CFAP299: variants seen among roughly 807,000 people sequenced by gnomAD.
CFAP299 encodes the protein cilia and flagella associated protein 299.
CFAP299 carries 21 observed loss-of-function variants against 27.0 expected under a neutral mutation model. That is an observed-to-expected ratio of 0.78 (90% CI 0.55 to 1.12). The LOEUF (loss-of-function observed/expected upper bound fraction) is 1.12. Among genes scored for constraint, CFAP299 ranks in the 50% most tolerant of loss-of-function variants. CFAP299 has a pLI of 0.00. For missense variants in CFAP299, 310 were observed against 276.6 expected (o/e 1.12, Z -0.86); for synonymous variants, 104 against 98.1 (o/e 1.06, Z -0.36).
At chr4:80,711,334 G>C (rs1479613304) in intron 3 of CFAP299, among the ~76,000 whole-genome samples, 1 of 152,172 alleles carries the variant, frequency 6.6e-6, no homozygotes. Context: ...CACAGAGCTG[G>C]AGCAGACAGC....
chr4:80,956,428 T>C (rs2109864464), intron 5 of CFAP299, among the ~76,000 whole-genome samples: 1 of 152,194 alleles, frequency 6.6e-6, no homozygotes, highest in South Asian at 2.1e-4. Context: ...CATGCTACTA[T>C]ATAATATTCT....
chr4:80,388,821 TC>T (rs1225946993), intron 2 of CFAP299: 1 of 395,796 alleles, frequency 2.5e-6, no homozygotes, highest in Non-Finnish European at 4.5e-6. Context: ...CTATTTCTTC[TC>T]TTCCAATCAT....
chr4:80,799,878 T>TA (rs1320324779), intron 3 of CFAP299, among the ~76,000 whole-genome samples: 1 of 38,976 alleles, frequency 2.6e-5, no homozygotes, highest in African/African-American at 1.1e-4. Context: ...ATATATTATA[T>TA]TATATAATAT....
chr4:80,845,639 G>A (rs971929854), intron 3 of CFAP299, among the ~76,000 whole-genome samples: 3 of 152,030 alleles, frequency 2.0e-5, no homozygotes, highest in Non-Finnish European at 4.4e-5. Context: ...TATTATTCAA[G>A]TTTCAAGTAA....
intron 3 of CFAP299, among the ~76,000 whole-genome samples, chr4:80,676,391 T>C (rs562124997): frequency 2.0e-5 from 3 of 152,314 alleles, no homozygotes; most frequent in South Asian, 4.1e-4. Context: ...TGTATCTATA[T>C]TTATCAATGA....
intron 3 of CFAP299, among the ~76,000 whole-genome samples, chr4:80,856,050 A>G (rs1020114779): frequency 4.6e-5 from 7 of 151,066 alleles, no homozygotes; most frequent in African/African-American, 1.7e-4. Flanking sequence ...CTATTTTTCC[A>G]CATCCTCTCC....
In CFAP299 at chr4:80,801,896, T is replaced by G. The variant is rs1322693986; in HGVS notation, c.334-68097T>G. ...CCTGTAAAGTTCAGTAGAAATGCAA[T>G]CCTTAAGTTTTTTATTTATTTTCAA... On this transcript the variant is annotated intron_variant, in intron 3 of 5. Coordinates refer to ENST00000358105, the MANE Select transcript of CFAP299 (RefSeq NM_152770.3). 2.0e-5 allele frequency among the ~76,000 whole-genome samples: 3 copies of G among 152,202 alleles called. No individual in the cohort carries two copies. In the East Asian group the frequency reaches 5.8e-4, roughly 29 times the overall value.
intron 3 of CFAP299, among the ~76,000 whole-genome samples, chr4:80,815,557 A>G (rs1263826384): frequency 6.6e-6 from 1 of 152,054 alleles, no homozygotes; most frequent in East Asian, 1.9e-4. Context: ...ATAATGAGGT[A>G]TTAGTTTAAA....
chr4:80,757,488 A>G (rs1393764728), intron 3 of CFAP299, among the ~76,000 whole-genome samples: 1 of 152,148 alleles, frequency 6.6e-6, no homozygotes, highest in African/African-American at 2.4e-5. Flanking sequence ...ACATTTTCTG[A>G]CAGCTAACAT....
In CFAP299 at chr4:80,356,246, A is replaced by G. The variant is rs190864740; in HGVS notation, c.112-6508A>G. ...ATGCTGTTTCGGTTACTGTAGCCTT[A>G]TAGTTTGAAGTCAGGTACCGTGATG... On this transcript the variant is annotated intron_variant, in intron 1 of 5. Transcript: ENST00000358105. Among the ~76,000 whole-genome samples the G allele has an allele frequency of 6.4e-3, 968 of 151,810 alleles. 2 individuals carry two copies. Among genetic ancestry groups the G allele is most frequent in the Middle Eastern group, 0.024 (7 of 294 alleles).
intron 2 of CFAP299, among the ~76,000 whole-genome samples, chr4:80,552,363 A>G (rs1287865729): frequency 1.3e-5 from 2 of 152,160 alleles, no homozygotes; most frequent in Non-Finnish European, 2.9e-5. Context: ...GAAAAAGAAA[A>G]ATGTCTTTTC....
intron 4 of CFAP299, among the ~76,000 whole-genome samples, chr4:80,942,281 A>G (rs1166197106): frequency 6.6e-6 from 1 of 152,182 alleles, no homozygotes; most frequent in Non-Finnish European, 1.5e-5. Flanking sequence ...TGGGACAAAG[A>G]GTACATGCGT....
chr4:80,570,057 CAG>C (rs1735508656), intron 2 of CFAP299, among the ~76,000 whole-genome samples: 1 of 151,786 alleles, frequency 6.6e-6, no homozygotes, highest in Non-Finnish European at 1.5e-5. Context: ...CAGTCATTGA[CAG>C]TGTGATATTG....
chr4:80,958,857 C>A (rs1738194879), intron 5 of CFAP299, among the ~76,000 whole-genome samples: 1 of 152,126 alleles, frequency 6.6e-6, no homozygotes, highest in South Asian at 2.1e-4. Context: ...TGGTAGTTAT[C>A]TTCCATGAGG....
At chr4:80,673,025 T>A (rs1195299045) in intron 3 of CFAP299, among the ~76,000 whole-genome samples, 1 of 152,090 alleles carries the variant, frequency 6.6e-6, no homozygotes, top group Non-Finnish European at 1.5e-5. Context: ...TCTGCTCTGA[T>A]CTTAGTTATT....
chr4:80,665,674 A>T (rs747263706), intron 3 of CFAP299, among the ~76,000 whole-genome samples: 1 of 152,192 alleles, frequency 6.6e-6, no homozygotes, highest in Non-Finnish European at 1.5e-5. Context: ...TTTGCATTTA[A>T]GGTAATATGG....
At chr4:80,894,809 C>T (rs904373390) in intron 4 of CFAP299, among the ~76,000 whole-genome samples, 2 of 150,808 alleles carry the variant, frequency 1.3e-5, no homozygotes, top group Non-Finnish European at 3.0e-5. Context: ...AGAGAGAGAG[C>T]TATATAATGG....
intron 3 of CFAP299, among the ~76,000 whole-genome samples, chr4:80,869,321 C>G (rs1438217359): frequency 6.6e-6 from 1 of 152,084 alleles, no homozygotes; most frequent in African/African-American, 2.4e-5. Context: ...TATAACTAAT[C>G]CATCACAACA....
intron 3 of CFAP299, among the ~76,000 whole-genome samples, chr4:80,731,629 A>G (rs980070916): frequency 6.6e-6 from 1 of 152,120 alleles, no homozygotes; most frequent in African/African-American, 2.4e-5. Flanking sequence ...CTCATTCAGC[A>G]TGCCATGACA....
Sources: allele counts gnomAD v4.1 joint callset (sites outside exome capture counted in the v4.1 genomes callset), GRCh38; gene constraint gnomAD v4.1.1; transcripts MANE v1.5; gene names NCBI Gene and HGNC (gene_info 2026-07-23, HGNC 2026-07-21).